SPATS2L: variants seen among roughly 807,000 people sequenced by gnomAD.
SPATS2L encodes spermatogenesis associated serine rich 2 like.
A neutral mutation model predicts 59.6 loss-of-function variants in SPATS2L; 30 were observed. The observed-to-expected ratio is 0.50, with a 90% confidence interval of 0.38 to 0.68. The LOEUF (loss-of-function observed/expected upper bound fraction) is 0.68, where lower values mean the gene tolerates loss of function less well. Among genes scored for constraint, SPATS2L ranks in the 30% least tolerant of loss-of-function variants. The pLI, the probability that SPATS2L is intolerant of heterozygous loss-of-function variation, is 0.00. For synonymous variants in SPATS2L, 252 were observed against 263.5 expected (o/e 0.96, Z 0.42); for missense variants, 615 against 700.0 (o/e 0.88, Z 1.37).
rs774158705 is a variant in SPATS2L, at chr2:200,473,051, A to G, written c.1280A>G (p.Gln427Arg). 3 of 1,611,188 alleles carry G rather than the reference A, an allele frequency of 1.9e-6. No individual in the cohort carries two copies. In the African/African-American group the frequency reaches 4.0e-5, roughly 22 times the overall value. Residue 427 changes from glutamine to arginine, a missense_variant and splice_region_variant, in exon 12 of 13, where the codon CAG becomes CGG. Coordinates refer to ENST00000409140, the MANE Select transcript of SPATS2L (RefSeq NM_001100423.2). ...PSHQTMPANK[Q>R]NGSSNQRRRF... is the part of the protein sequence containing the mutation. ...CACCAGACCATGCCGGCCAACAAGC[A>G]GGTAAGCCGACACTGGTGCAGGGTG...
At chr2:200,344,432 T>A (rs1042879346) in intron 2 of SPATS2L, among the ~76,000 whole-genome samples, 4 of 152,228 alleles carry the variant, frequency 2.6e-5, no homozygotes, top group Non-Finnish European at 5.9e-5. Context: ...TAGTATTCCA[T>A]GGTGTATATG....
intron 6 of SPATS2L, among the ~76,000 whole-genome samples, chr2:200,420,942 T>C (rs998705074): frequency 6.6e-6 from 1 of 152,008 alleles, no homozygotes; most frequent in Admixed American, 6.6e-5. Context: ...GCCCGCTCAG[T>C]TTTTCAGAAT....
At chr2:200,454,310 G>A (rs1191167299) in intron 8 of SPATS2L, among the ~76,000 whole-genome samples, 1 of 152,148 alleles carries the variant, frequency 6.6e-6, no homozygotes, top group African/African-American at 2.4e-5. Flanking sequence ...TGGTCCTGTG[G>A]CTGCCTCTCT....
At chr2:200,311,596 G>A (rs1031765130) in intron 1 of SPATS2L, among the ~76,000 whole-genome samples, 1 of 152,176 alleles carries the variant, frequency 6.6e-6, no homozygotes, top group Non-Finnish European at 1.5e-5. Context: ...TCATTTAAAA[G>A]CATCCCTGTA....
chr2:200,412,889 A>T (rs958393654), intron 4 of SPATS2L, among the ~76,000 whole-genome samples: 13 of 146,022 alleles, frequency 8.9e-5, no homozygotes, highest in African/African-American at 3.6e-4. Flanking sequence ...CCGTCTCTAT[A>T]AAAAAATATA....
At chr2:200,439,419 T>C in intron 7 of SPATS2L, 91 bp downstream of exon 7, 2 of 1,091,378 alleles carry the variant, frequency 1.8e-6, no homozygotes, top group Non-Finnish European at 2.7e-6. Flanking sequence ...AGATGCTGCT[T>C]AGTGAAGAGA....
intron 8 of SPATS2L, among the ~76,000 whole-genome samples, chr2:200,456,995 C>CTTTGTG (rs921170093): frequency 3.2e-4 from 49 of 152,156 alleles, no homozygotes; most frequent in African/African-American, 1.1e-3. Flanking sequence ...AGAATGTCGT[C>CTTTGTG]GTGCTGAGTT....
At chr2:200,439,054 C>T in intron 6 of SPATS2L, 68 bp from the exon 7 acceptor site, 1 of 1,377,378 alleles carries the variant, frequency 7.3e-7, no homozygotes, top group Middle Eastern at 1.8e-4. Context: ...TCTTGGCATC[C>T]TCCATCACTT....
intron 2 of SPATS2L, among the ~76,000 whole-genome samples, chr2:200,343,380 A>T (rs1197735026): frequency 1.3e-5 from 2 of 152,194 alleles, no homozygotes; most frequent in Non-Finnish European, 2.9e-5. Context: ...AACATTCATC[A>T]GAATTATGGA....
chr2:200,419,195 T>G, intron 5 of SPATS2L, 55 bp from the exon 6 acceptor site: 3 of 1,484,676 alleles, frequency 2.0e-6, no homozygotes, highest in Non-Finnish European at 2.7e-6. Flanking sequence ...CAGATTCACC[T>G]TATATTTCAA....
intron 2 of SPATS2L, among the ~76,000 whole-genome samples, chr2:200,373,923 G>A (rs1234905015): frequency 1.3e-5 from 2 of 152,170 alleles, no homozygotes; most frequent in Middle Eastern, 3.2e-3. Context: ...TGACAGTGGG[G>A]TGGGAGGGAG....
intron 2 of SPATS2L, among the ~76,000 whole-genome samples, chr2:200,334,061 C>T (rs542162900): frequency 6.6e-6 from 1 of 152,286 alleles, no homozygotes; most frequent in South Asian, 2.1e-4. Flanking sequence ...GGTTCTAGAT[C>T]CCTGAGGAAT....
chr2:200,307,501 T>G (rs1244907674), intron 1 of SPATS2L, among the ~76,000 whole-genome samples: 1 of 151,844 alleles, frequency 6.6e-6, no homozygotes, highest in Non-Finnish European at 1.5e-5. Flanking sequence ...GCTGCGCGGG[T>G]GGGCTGGGGT....
At chr2:200,451,903 G>A (rs2085479413) in intron 8 of SPATS2L, among the ~76,000 whole-genome samples, 1 of 151,758 alleles carries the variant, frequency 6.6e-6, no homozygotes, top group Admixed American at 6.6e-5. Flanking sequence ...GAGACAAAGG[G>A]GCATTTTGCT....
At chr2:200,312,378 A>G (rs2079221134) in intron 1 of SPATS2L, among the ~76,000 whole-genome samples, 1 of 152,200 alleles carries the variant, frequency 6.6e-6, no homozygotes, top group Admixed American at 6.5e-5. Flanking sequence ...ACTGTTATAT[A>G]GAACCCTCAT....
At chr2:200,312,700 G>A (rs1293554214) in intron 1 of SPATS2L, among the ~76,000 whole-genome samples, 1 of 152,170 alleles carries the variant, frequency 6.6e-6, no homozygotes, top group Non-Finnish European at 1.5e-5. Context: ...TTGTAGAGCT[G>A]GTATAAAGCC....
At chr2:200,461,253 T>A (rs1160768701) in intron 9 of SPATS2L, 4 of 152,192 alleles carry the variant, frequency 2.6e-5, no homozygotes, top group Non-Finnish European at 4.4e-5. Flanking sequence ...ATGTACCAAA[T>A]TCTCTGTTTA....
chr2:200,375,951 G>A (rs1227038054), intron 2 of SPATS2L, among the ~76,000 whole-genome samples: 1 of 152,094 alleles, frequency 6.6e-6, no homozygotes, highest in Non-Finnish European at 1.5e-5. Flanking sequence ...TTAAAAGGGT[G>A]GCATTTAAAG....
At position 200,306,879 on chromosome 2, in the gene SPATS2L, C is replaced by A; in HGVS notation, c.-116C>A. On this transcript the variant is annotated 5_prime_UTR_variant, in exon 1 of 13. Coordinates refer to ENST00000409140, the MANE Select transcript of SPATS2L (RefSeq NM_001100423.2). ...TCCCCTGGCGACCGCGCCCCCGGGCCCCGGCTCCGGCCCGGGACGGAGGAG... is the reference window on the plus strand; with the variant it reads ...TCCCCTGGCGACCGCGCCCCCGGGCACCGGCTCCGGCCCGGGACGGAGGAG... 2.0e-6 allele frequency: 2 copies of A among 981,174 alleles called. No homozygotes were observed. The highest frequency in any genetic ancestry group is 2.4e-6 in the Non-Finnish European group (2 of 828,284). 60.8% of individuals were successfully genotyped at this position (981,174 alleles called of 1,614,324 possible).
Sources: gnomAD v4.1 joint callset for allele counts (sites outside exome capture counted in the v4.1 genomes callset) on GRCh38, gnomAD v4.1.1 for gene constraint, MANE v1.5 for transcripts, NCBI Gene and HGNC (gene_info 2026-07-23, HGNC 2026-07-21) for gene names.